Variants in LIMS2 observed in about 807,000 individuals in gnomAD.
The protein encoded by LIMS2 is LIM zinc finger domain containing 2.
A neutral mutation model predicts 45.3 loss-of-function variants in LIMS2; 30 were observed. That is an observed-to-expected ratio of 0.66 (90% CI 0.50 to 0.90). The LOEUF (loss-of-function observed/expected upper bound fraction) is 0.90. Ranked by LOEUF, LIMS2 falls within the 40% of genes least tolerant of loss-of-function variation. The pLI is 0.00. For synonymous variants in LIMS2, 173 were observed against 188.0 expected (o/e 0.92, Z 0.65); for missense variants, 485 against 468.7 (o/e 1.03, Z -0.32).
chr2:127,645,698 G>A (rs1426397599), intron 4 of LIMS2, among the ~76,000 whole-genome samples: 1 of 152,268 alleles, frequency 6.6e-6, no homozygotes, highest in Non-Finnish European at 1.5e-5. Flanking sequence ...TACAGCAAGT[G>A]TCCTCAAAGA....
chr2:127,651,773 G>A lies in LIMS2; in HGVS notation c.359+2651C>T, dbSNP rs1015671590. ...AGCTGTGAGCGGGGGGCGCCGTCCA[G>A]GCCGAGCGCAGACTGTTTAGGACTC... is the stretch of plus-strand genomic sequence containing the variant. On this transcript the variant is annotated intron_variant, in intron 4 of 9. Coordinates refer to ENST00000355119, the MANE Select transcript of LIMS2 (RefSeq NM_001161403.3). 6.2e-6 allele frequency: 10 copies of A among 1,606,216 alleles called. No individual in the cohort carries two copies. The African/African-American group carries it at 1.2e-4, about 19-fold the overall frequency.
chr2:127,644,464 C>G (rs542383736), intron 4 of LIMS2, among the ~76,000 whole-genome samples: 2 of 152,208 alleles, frequency 1.3e-5, no homozygotes, highest in Admixed American at 1.3e-4. Flanking sequence ...CCAGCCCCAA[C>G]CCCAGGCCAC....
At chr2:127,662,762 G>C (rs1302515034) in intron 1 of LIMS2, among the ~76,000 whole-genome samples, 1 of 151,930 alleles carries the variant, frequency 6.6e-6, no homozygotes. Flanking sequence ...CCTGCAGGTT[G>C]TGCACATGTA....
chr2:127,666,380 TAAACAAAC>T (rs1008243100), intron 1 of LIMS2, among the ~76,000 whole-genome samples: 2 of 143,144 alleles, frequency 1.4e-5, no homozygotes, highest in South Asian at 4.2e-4. Flanking sequence ...TGAATCTTGG[TAAACAAAC>T]AAACAAACAC....
Position 127,641,127 on chromosome 2 carries a change from C to T in LIMS2, c.661-139G>A, listed in dbSNP as rs1682364591. 6.2e-6 allele frequency: 4 copies of T among 642,244 alleles called. No individual in the cohort carries two copies. In the South Asian group the frequency reaches 7.0e-5, roughly 11 times the overall value. The allele number at this position is 642,244 out of a possible 1,614,324, so 39.8% of individuals were successfully genotyped here. On this transcript the variant is annotated intron_variant, in intron 6 of 9. Coordinates refer to ENST00000355119, the MANE Select transcript of LIMS2 (RefSeq NM_001161403.3). ...CAGTGGCCCCAGGAGGCAGCAGTGA[C>T]AGAAGGGGACAGAAAGCAGAGTCTG...
Position 127,675,122 on chromosome 2 carries a change from G to A in LIMS2, c.-98C>T. On this transcript the variant is annotated 5_prime_UTR_variant, in exon 1 of 10. Transcript: ENST00000355119. ...GAGCGCCCGCCCGCCAGCCCGGGCC[G>A]CGGAGCAGGGAGACGCCCAAAAAAG... 2 of 1,160,372 alleles carry A rather than the reference G, an allele frequency of 1.7e-6. No individual in the cohort carries two copies. The highest frequency in any genetic ancestry group is 2.2e-6 in the Non-Finnish European group (2 of 923,796). 71.9% of individuals were successfully genotyped at this position (1,160,372 alleles called of 1,614,324 possible).
intron 1 of LIMS2, among the ~76,000 whole-genome samples, chr2:127,665,008 A>G (rs1210606942): frequency 6.6e-6 from 1 of 152,218 alleles, no homozygotes; most frequent in Non-Finnish European, 1.5e-5. Context: ...TCCTTATTTT[A>G]GAGAAAAGGC....
rs188635356 is a variant in LIMS2 at position 127,668,630 on chromosome 2, C to T, written c.11+6384G>A. On this transcript the variant is annotated intron_variant, in intron 1 of 9. Coordinates refer to ENST00000355119, the MANE Select transcript of LIMS2 (RefSeq NM_001161403.3). Reference sequence around the variant, plus strand: ...GTTGCAGTGAGCTGAGATCAGGCCACTGCATTCCACCCTGGGTGACAGAGT... The same window carrying T: ...GTTGCAGTGAGCTGAGATCAGGCCATTGCATTCCACCCTGGGTGACAGAGT... Among the ~76,000 whole-genome samples the T allele has an allele frequency of 7.9e-4, 93 of 117,400 alleles. 2 individuals carry two copies. The East Asian group carries it at 0.024, about 31-fold the overall frequency. The allele number at this position is 117,400 out of a possible 152,430, so 77.0% of individuals were successfully genotyped here. A position where few individuals can be genotyped will look rare whatever the true frequency, so the allele number is the denominator to read the frequency against.
Position 127,671,432 on chromosome 2 carries a change from C to CA in LIMS2, c.11+3581dup, listed in dbSNP as rs1292217178. 0.041 allele frequency among the ~76,000 whole-genome samples: 4,631 copies of CA among 112,892 alleles called. 213 individuals are homozygous for CA. Among genetic ancestry groups the CA allele is most frequent in the African/African-American group, 0.13 (4,020 of 31,034 alleles). 74.1% of individuals were successfully genotyped at this position (112,892 alleles called of 152,430 possible). ...TGGGTGACAGAGCGAGACTCCATCT[C>CA]AAAAAAAAAAAAAAGAGCCTGCATG... On this transcript the variant is annotated intron_variant, in intron 1 of 9. Transcript: ENST00000355119. This position sits in a 1 kb window ranked among gnomAD's most constrained non-coding sequence, Gnocchi z 4.1.
intron 2 of LIMS2, among the ~76,000 whole-genome samples, chr2:127,657,011 T>C (rs1684302035): frequency 2.6e-5 from 4 of 152,170 alleles, no homozygotes; most frequent in Admixed American, 2.6e-4. Context: ...AAACCTCACC[T>C]TCCCTGAGCA....
intron 1 of LIMS2, among the ~76,000 whole-genome samples, chr2:127,670,657 G>T (rs536929627): frequency 6.6e-6 from 1 of 152,196 alleles, no homozygotes; most frequent in Non-Finnish European, 1.5e-5. Flanking sequence ...TAAAAAACAC[G>T]TGAGTAATGA....
chr2:127,680,189 C>T (rs577973233), upstream of LIMS2, among the ~76,000 whole-genome samples: 125 of 152,336 alleles, frequency 8.2e-4, no homozygotes, highest in African/African-American at 2.7e-3. Context: ...GGAGCCCTCC[C>T]GGGCGGCTCC....
chr2:127,644,993 G>C (rs761538295), intron 4 of LIMS2, among the ~76,000 whole-genome samples: 2 of 152,236 alleles, frequency 1.3e-5, no homozygotes, highest in African/African-American at 2.4e-5. Context: ...CAGATCTAAA[G>C]GTGGCCTTCA....
intron 1 of LIMS2, among the ~76,000 whole-genome samples, chr2:127,658,829 C>T (rs955149630): frequency 7.9e-5 from 12 of 152,304 alleles, no homozygotes; most frequent in African/African-American, 2.9e-4. Context: ...TGCCTGGTTG[C>T]AGCCGGGTGG....
intron 4 of LIMS2, among the ~76,000 whole-genome samples, chr2:127,649,561 G>A (rs868527304): frequency 2.0e-4 from 31 of 152,358 alleles, no homozygotes; most frequent in Middle Eastern, 3.4e-3. Flanking sequence ...TCCGGGCTGC[G>A]GGCTGCTCTG....
At chr2:127,651,203 G>A in intron 4 of LIMS2, 2 of 1,610,562 alleles carry the variant, frequency 1.2e-6, no homozygotes, top group Admixed American at 1.7e-5. Flanking sequence ...CCTTCCTGTG[G>A]GTGGTGGTGG....
At chr2:127,673,594 G>T (rs2105347381) in intron 1 of LIMS2, 2 of 1,366,568 alleles carry the variant, frequency 1.5e-6, no homozygotes, top group Non-Finnish European at 1.0e-6. Flanking sequence ...GCACCTCGGG[G>T]CCTCCCATTC....
intron 1 of LIMS2, chr2:127,674,010 CA>C (rs1558904814): frequency 2.2e-6 from 1 of 464,942 alleles, no homozygotes; most frequent in African/African-American, 2.0e-5. Flanking sequence ...TACAAAGTGA[CA>C]AGTTACAGGC....
chr2:127,645,357 A>G (rs951191675), intron 4 of LIMS2, among the ~76,000 whole-genome samples: 3 of 152,232 alleles, frequency 2.0e-5, no homozygotes, highest in African/African-American at 7.2e-5. Context: ...TTGGTTTCCC[A>G]TGTTGCTGGA....
Sources: allele counts gnomAD v4.1 joint callset (sites outside exome capture counted in the v4.1 genomes callset), GRCh38; gene constraint gnomAD v4.1.1; non-coding constraint Gnocchi (gnomAD v3.1); transcripts MANE v1.5; gene names NCBI Gene and HGNC (gene_info 2026-07-23, HGNC 2026-07-21).